BAHCC1: variants seen among roughly 807,000 people sequenced by gnomAD.
The protein encoded by BAHCC1 is BAH domain and coiled-coil containing 1, also known as BAH and coiled-coil domain-containing protein 1.
A neutral mutation model predicts 88.2 loss-of-function variants in BAHCC1; 43 were observed. The ratio of observed to expected loss-of-function variants is 0.49; its 90% confidence interval spans 0.38 to 0.63. BAHCC1 has a LOEUF of 0.63. BAHCC1 is among the 20% of genes least tolerant of loss of function. The pLI, the probability that BAHCC1 is intolerant of heterozygous loss-of-function variation, is 0.00. For missense variants in BAHCC1, 3,023 were observed against 1,654.8 expected (o/e 1.83, Z -14.34); for synonymous variants, 1,510 against 745.5 (o/e 2.03, Z -16.71).
rs546341977 is a variant in BAHCC1 at position 81,447,113 on chromosome 17, G to A, written c.3241G>A (p.Glu1081Lys). 2.4e-5 allele frequency: 19 copies of A among 779,262 alleles called. No homozygotes were observed. The highest frequency in any genetic ancestry group is 1.5e-4 in the South Asian group (11 of 74,618). 48.3% of individuals were successfully genotyped at this position (779,262 alleles called of 1,614,324 possible). A position where few individuals can be genotyped will look rare whatever the true frequency, so the allele number is the denominator to read the frequency against. Residue 1081 changes from glutamate (E) to lysine (K), a missense_variant, in exon 11 of 28, where the codon GAG becomes AAG. Transcript: ENST00000675386. Reference sequence around the variant, plus strand: ...CTCAGACGTGCACTCTTCTAACCTCGAGGACCCTGAAACTATGCAAACCAC... The same window carrying A: ...CTCAGACGTGCACTCTTCTAACCTCAAGGACCCTGAAACTATGCAAACCAC... ...LPSDVHSSNL[E>K]DPETMQTTAP...
intron 2 of BAHCC1, 117 bp downstream of exon 2, chr17:81,400,034 G>A: frequency 4.2e-6 from 4 of 951,350 alleles, no homozygotes; most frequent in South Asian, 4.7e-5. Context: ...CCCCGGCCGC[G>A]GTGGCTGCCT....
rs1182393529 is a variant in BAHCC1 at position 81,466,162 on chromosome 17, G to A, written c.*2345G>A. The A allele has an allele frequency of 1.3e-5, 2 of 152,460 alleles. No homozygotes were observed. The highest frequency in any genetic ancestry group is 2.4e-5 in the African/African-American group (1 of 41,390). 9.4% of individuals were successfully genotyped at this position (152,460 alleles called of 1,614,324 possible). Reference sequence around the variant, plus strand: ...ACGAAGGCACGATTCCTGTAAATGTGTAAACTAAGGGGATGGTTGGATTTT... The same window carrying A: ...ACGAAGGCACGATTCCTGTAAATGTATAAACTAAGGGGATGGTTGGATTTT... On this transcript the variant is annotated 3_prime_UTR_variant, in exon 28 of 28. Transcript: ENST00000675386.
In BAHCC1 at chr17:81,395,485, C is replaced by G. The variant is rs1457670229; in HGVS notation, c.-357C>G. 1 of 152,224 alleles carries G rather than the reference C, an allele frequency of 6.6e-6. No homozygotes were observed. The highest frequency in any genetic ancestry group is 1.5e-5 in the Non-Finnish European group (1 of 68,056). The allele number at this position is 152,224 out of a possible 1,614,324, so 9.4% of individuals were successfully genotyped here. On this transcript the variant is annotated 5_prime_UTR_variant, in exon 1 of 28. Coordinates refer to ENST00000675386, the MANE Select transcript of BAHCC1 (RefSeq NM_001377448.1). ...CCAGGCTGCAGGTTTGAGAGCCGCTCTGGATGGGCTCGCTAGAGTCGTTGT... is the reference window on the plus strand; with the variant it reads ...CCAGGCTGCAGGTTTGAGAGCCGCTGTGGATGGGCTCGCTAGAGTCGTTGT...
At chr17:81,455,200 A>T in intron 14 of BAHCC1, 67 bp from the exon 15 acceptor site, 1 of 690,548 alleles carries the variant, frequency 1.4e-6, no homozygotes, top group East Asian at 2.7e-5. Context: ...CTACAGAGAC[A>T]GTAGGGGGAC....
At chr17:81,415,122 C>G (rs1346156582) in intron 2 of BAHCC1, among the ~76,000 whole-genome samples, 1 of 152,210 alleles carries the variant, frequency 6.6e-6, no homozygotes, top group African/African-American at 2.4e-5. Flanking sequence ...GGGACGGGCC[C>G]GGGCGAGGGA....
intron 2 of BAHCC1, chr17:81,401,749 G>C (rs552229126): frequency 6.6e-6 from 1 of 152,614 alleles, no homozygotes; most frequent in Admixed American, 6.5e-5. Flanking sequence ...ACTGAGGCTT[G>C]CATGTTGGTG....
intron 2 of BAHCC1, chr17:81,403,021 T>C (rs1420457136): frequency 2.0e-5 from 3 of 152,234 alleles, no homozygotes; most frequent in Non-Finnish European, 2.9e-5. Context: ...ATACAGATGG[T>C]CCGGAGGCAA....
rs782360773 is a variant in BAHCC1, at chr17:81,451,700, C to A, written c.4009C>A (p.Gln1337Lys). The change falls in exon 12 of 28, where the codon CAG becomes AAG. Residue 1337 changes from glutamine to lysine, a missense_variant. By Grantham distance (53) the Gln-to-Lys change is moderately conservative (BLOSUM62 1). Coordinates refer to ENST00000675386, the MANE Select transcript of BAHCC1 (RefSeq NM_001377448.1). Reference sequence around the variant, plus strand: ...AGAGGACGTGCTAGCCTTCAACCTGCAGCACCTGGCCACGCTGGCCACAGC... The same window carrying A: ...AGAGGACGTGCTAGCCTTCAACCTGAAGCACCTGGCCACGCTGGCCACAGC... ...EEEDVLAFNLQHLATLATAWS... is the reference protein window; with the variant it reads ...EEEDVLAFNLKHLATLATAWS... 8 of 776,936 alleles carry A rather than the reference C, an allele frequency of 1.0e-5. No homozygotes were observed. Among genetic ancestry groups the A allele is most frequent in the Non-Finnish European group, 1.9e-5 (8 of 417,758 alleles). 48.1% of individuals were successfully genotyped at this position (776,936 alleles called of 1,614,324 possible).
chr17:81,447,177 T>G lies in BAHCC1; in HGVS notation c.3305T>G (p.Leu1102Arg), dbSNP rs1157194493. The change falls in exon 11 of 28, where the codon CTG becomes CGG. Residue 1102 changes from leucine to arginine, a missense_variant. Coordinates refer to ENST00000675386, the MANE Select transcript of BAHCC1 (RefSeq NM_001377448.1). ...CAGCCTGAGCCCACAAGGACATTCC[T>G]GCCTGGGGAGCCGCCTCCCTGCAGC... ...GAQPEPTRTF[L>R]PGEPPPCSPR... The G allele has an allele frequency of 1.3e-6, 1 of 771,844 alleles. No individual in the cohort carries two copies. The highest frequency in any genetic ancestry group is 2.4e-6 in the Non-Finnish European group (1 of 414,496). 47.8% of individuals were successfully genotyped at this position (771,844 alleles called of 1,614,324 possible).
intron 4 of BAHCC1, among the ~76,000 whole-genome samples, chr17:81,441,042 T>C (rs2064405429): frequency 6.6e-6 from 1 of 152,198 alleles, no homozygotes; most frequent in Admixed American, 6.5e-5. Context: ...AGAGATGCTC[T>C]GTAACACTCA....
chr17:81,429,314 G>A (rs964742607), intron 3 of BAHCC1, among the ~76,000 whole-genome samples: 9 of 152,350 alleles, frequency 5.9e-5, no homozygotes, highest in African/African-American at 2.2e-4. Flanking sequence ...CACCTGCGAG[G>A]CCCGTGCTCC....
intron 2 of BAHCC1, among the ~76,000 whole-genome samples, chr17:81,425,608 G>T (rs1555650301): frequency 7.8e-5 from 11 of 141,714 alleles, no homozygotes; most frequent in South Asian, 2.3e-4. Context: ...ATGTGGTTGG[G>T]GGTGATAGTG....
Position 81,445,530 on chromosome 17 carries a change from C to T in BAHCC1, c.3012C>T (p.Ser1004=), listed in dbSNP as rs1555654101. ...CHPPDPKPPA[S]SPTPPPRPSA... is the part of the protein sequence containing the mutation. ...CGCCCGACCCAAAGCCCCCCGCCAG[C>T]TCCCCCACCCCACCACCTCGGCCCA... Residue 1004 remains serine, a synonymous_variant, in exon 10 of 28, where the codon AGC becomes AGT. Coordinates refer to ENST00000675386, the MANE Select transcript of BAHCC1 (RefSeq NM_001377448.1). 1.4e-6 allele frequency: 1 copy of T among 729,522 alleles called. No homozygotes were observed. Among genetic ancestry groups the T allele is most frequent in the Non-Finnish European group, 2.5e-6 (1 of 393,550 alleles). 45.2% of individuals were successfully genotyped at this position (729,522 alleles called of 1,614,324 possible).
At position 81,430,022 on chromosome 17, in the gene BAHCC1, C is replaced by A. The variant is rs974504229; in HGVS notation, c.358+3043C>A. Among the ~76,000 whole-genome samples, 475 of 152,348 alleles carry A rather than the reference C, an allele frequency of 3.1e-3. 4 individuals carry two copies. Among genetic ancestry groups the A allele is most frequent in the African/African-American group, 0.011 (455 of 41,570 alleles). On this transcript the variant is annotated intron_variant, in intron 3 of 27. Transcript: ENST00000675386. ...TGTCTGTTCAGCTCCTCCCGGCCCG[C>A]AGCTTACCCGAGGCTCGCGCTCCCA...
chr17:81,462,821 T>C lies in BAHCC1; in HGVS notation c.7465T>C (p.Cys2489Arg), dbSNP rs782112256. 1.3e-6 allele frequency: 1 copy of C among 780,592 alleles called. No homozygotes were observed. The allele number at this position is 780,592 out of a possible 1,614,324, so 48.4% of individuals were successfully genotyped here. The change falls in exon 27 of 28, where the codon TGT (cysteine) becomes CGT (arginine). Residue 2489 changes from cysteine (C) to arginine (R), a missense_variant. Cys to Arg is a radical substitution (Grantham distance 180). Coordinates refer to ENST00000675386, the MANE Select transcript of BAHCC1 (RefSeq NM_001377448.1). ...RGEETLRVGD[C>R]AVFLSAGRPN... is the part of the protein sequence containing the mutation. ...CGAGGAGACCCTGCGTGTCGGGGAC[T>C]GTGCCGTCTTCCTGTCAGCTGGGCG...
chr17:81,399,977 C>T lies in BAHCC1; in HGVS notation c.178+60C>T, dbSNP rs2063793429. ...GCGTTCGAGAGCGGAACAGGGCGCC[C>T]ACCCCTCCGCTCCCGGGAGCAGAGA... On this transcript the variant is annotated intron_variant, in intron 2 of 27. Transcript: ENST00000675386. This position sits in a 1 kb window ranked among gnomAD's most constrained non-coding sequence, Gnocchi z 4.5. 18 of 1,230,346 alleles carry T rather than the reference C, an allele frequency of 1.5e-5. No homozygotes were observed. In the South Asian group the frequency reaches 4.2e-4, roughly 29 times the overall value. 76.2% of individuals were successfully genotyped at this position (1,230,346 alleles called of 1,614,324 possible). A position where few individuals can be genotyped will look rare whatever the true frequency, so the allele number is the denominator to read the frequency against.
chr17:81,421,911 G>C, intron 2 of BAHCC1: 1 of 402,084 alleles, frequency 2.5e-6, no homozygotes, highest in Non-Finnish European at 5.0e-6. Flanking sequence ...GACCCCATGT[G>C]ATACTGGAGA....
rs1555653497 is a variant in BAHCC1 at position 81,443,845 on chromosome 17, T to G, written c.2252T>G (p.Leu751Arg). The change falls in exon 6 of 28, where the codon CTG becomes CGG. Residue 751 changes from leucine to arginine, a missense_variant. Leu to Arg is a moderately radical substitution (Grantham distance 102). Transcript: ENST00000675386. ...GGPRSTHALD[L>R]EAEEERTRLC... ...CCCCGTTCCACACACGCGCTGGACC[T>G]GGAGGCTGAGGAGGAGAGGACGAGG... 1 of 714,096 alleles carries G rather than the reference T, an allele frequency of 1.4e-6. No homozygotes were observed. Among genetic ancestry groups the G allele is most frequent in the East Asian group, 2.7e-5 (1 of 37,302 alleles). 44.2% of individuals were successfully genotyped at this position (714,096 alleles called of 1,614,324 possible).
intron 3 of BAHCC1, among the ~76,000 whole-genome samples, chr17:81,433,198 C>T (rs2064289707): frequency 6.6e-6 from 1 of 152,038 alleles, no homozygotes; most frequent in African/African-American, 2.4e-5. Context: ...GCTCCAAGAA[C>T]GAATCTCTTG....
Sources: allele counts gnomAD v4.1 joint callset (sites outside exome capture counted in the v4.1 genomes callset), GRCh38; gene constraint gnomAD v4.1.1; non-coding constraint Gnocchi (gnomAD v3.1); transcripts MANE v1.5; gene names NCBI Gene and HGNC (gene_info 2026-07-23, HGNC 2026-07-21).